Variants in MAF observed in about 807,000 individuals in gnomAD.
The protein encoded by MAF is MAF bZIP transcription factor, also known as transcription factor Maf.
Under a neutral mutation model 22.0 loss-of-function variants are expected in MAF, and 10 were observed. The ratio of observed to expected loss-of-function variants is 0.45; its 90% CI spans 0.28 to 0.77. The LOEUF is 0.77. Among genes scored for constraint, MAF ranks in the 30% least tolerant of loss-of-function variants. The pLI, the probability that MAF is intolerant of heterozygous loss-of-function variation, is 0.12. For missense variants in MAF, 544 were observed against 548.4 expected, an observed-to-expected ratio of 0.99 and a Z score of 0.08; for synonymous variants, 337 against 255.8, an observed-to-expected ratio of 1.32 and a Z score of -3.03.
the MAF span, among the ~76,000 whole-genome samples, chr16:79,513,789 A>G: frequency 0.013 from 1,969 of 152,272 alleles, 43 homozygotes; most frequent in African/African-American, 0.045. Context: ...CGTTCCATAT[A>G]TACTACCTAA....
the MAF span, among the ~76,000 whole-genome samples, chr16:79,261,498 C>A: frequency 2.0e-5 from 3 of 152,302 alleles, no homozygotes; most frequent in East Asian, 5.8e-4. Flanking sequence ...ATGGTAGCTA[C>A]TCAGTAAATA....
the MAF span, among the ~76,000 whole-genome samples, chr16:79,372,065 A>AT: frequency 7.5e-6 from 1 of 134,216 alleles, no homozygotes; most frequent in Admixed American, 7.7e-5. Flanking sequence ...AAGGGAGAGG[A>AT]ATTTTTTTTT....
the MAF span, chr16:79,212,577 A>T: frequency 2.2e-4 from 36 of 163,628 alleles, no homozygotes; most frequent in East Asian, 5.3e-3. Context: ...TCTGTCAATC[A>T]CAGTCTCAGT....
At chr16:79,541,028 G>A in the MAF span, among the ~76,000 whole-genome samples, 2 of 151,694 alleles carry the variant, frequency 1.3e-5, no homozygotes, top group Admixed American at 6.6e-5. Context: ...ACACTACTAC[G>A]GTTACTACTG....
At chr16:79,526,304 C>G in the MAF span, among the ~76,000 whole-genome samples, 2 of 152,138 alleles carry the variant, frequency 1.3e-5, no homozygotes, top group Non-Finnish European at 2.9e-5. Flanking sequence ...CATAAGGAGA[C>G]CACAACCTAG....
At chr16:79,455,796 C>T in the MAF span, among the ~76,000 whole-genome samples, 2,171 of 152,248 alleles carry the variant, frequency 0.014, 50 homozygotes, top group African/African-American at 0.048. Flanking sequence ...GGTGGGCAGA[C>T]TGCCTGAGGT....
At chr16:79,335,080 G>T in the MAF span, among the ~76,000 whole-genome samples, 1 of 151,470 alleles carries the variant, frequency 6.6e-6, no homozygotes, top group Non-Finnish European at 1.5e-5. Flanking sequence ...AGCTACTCGG[G>T]AGGCTGAGGC....
the MAF span, among the ~76,000 whole-genome samples, chr16:79,227,848 G>A: frequency 6.6e-6 from 1 of 152,214 alleles, no homozygotes; most frequent in South Asian, 2.1e-4. Context: ...ACTGTTGAGT[G>A]GAGAGAAATC....
the MAF span, among the ~76,000 whole-genome samples, chr16:79,431,388 A>T: frequency 6.6e-6 from 1 of 152,232 alleles, no homozygotes; most frequent in Non-Finnish European, 1.5e-5. Flanking sequence ...TAAGCAAGTT[A>T]TTTAACTTCT....
chr16:79,541,662 G>GTTTT, the MAF span, among the ~76,000 whole-genome samples: 10 of 123,874 alleles, frequency 8.1e-5, no homozygotes, highest in Non-Finnish European at 1.2e-4. Flanking sequence ...GGTTTTTTTA[G>GTTTT]TTTTTTTTTT....
At chr16:79,367,709 C>A in the MAF span, among the ~76,000 whole-genome samples, 2 of 152,124 alleles carry the variant, frequency 1.3e-5, no homozygotes, top group African/African-American at 4.8e-5. Context: ...TCACTTAATT[C>A]TAGTTAATTT....
chr16:79,349,992 A>G, the MAF span, among the ~76,000 whole-genome samples: 1 of 152,162 alleles, frequency 6.6e-6, no homozygotes, highest in African/African-American at 2.4e-5. Context: ...TCCTCCTTTA[A>G]GGCACAATGA....
At chr16:79,525,921 G>C in the MAF span, among the ~76,000 whole-genome samples, 1 of 152,170 alleles carries the variant, frequency 6.6e-6, no homozygotes, top group African/African-American at 2.4e-5. Context: ...CAAAGCCCTA[G>C]AGGCCTTAAG....
chr16:79,440,307 T>G, the MAF span, among the ~76,000 whole-genome samples: 2 of 152,206 alleles, frequency 1.3e-5, no homozygotes. Flanking sequence ...AGCACCCCAG[T>G]GGAAGGGCTG....
chr16:79,373,891 T>G, the MAF span, among the ~76,000 whole-genome samples: 1 of 152,228 alleles, frequency 6.6e-6, no homozygotes, highest in Non-Finnish European at 1.5e-5. Flanking sequence ...TATTCTGCTA[T>G]GTGCAACATA....
Position 79,597,214 on chromosome 16 carries a change from C to G in MAF, c.1118+1571G>C, listed in dbSNP as rs1042683226. 1.8e-5 allele frequency: 19 copies of G among 1,052,668 alleles called. No homozygotes were observed. In the African/African-American group the frequency reaches 3.1e-4, roughly 17 times the overall value. 65.2% of individuals were successfully genotyped at this position (1,052,668 alleles called of 1,614,324 possible). On this transcript the variant is annotated intron_variant, in intron 1 of 1. Transcript: ENST00000326043. ...ATCGTTTAAAAAATCTACAGCTAAA[C>G]AGACCTAACTCTTTCAAATTTATCT...
the MAF span, among the ~76,000 whole-genome samples, chr16:79,580,551 G>A: frequency 2.6e-5 from 4 of 152,190 alleles, no homozygotes; most frequent in Non-Finnish European, 5.9e-5. Flanking sequence ...AGAATGGGAT[G>A]CCAGGGGGCT....
the MAF span, among the ~76,000 whole-genome samples, chr16:79,450,689 A>C: frequency 6.6e-6 from 1 of 152,176 alleles, no homozygotes; most frequent in Non-Finnish European, 1.5e-5. Context: ...TTTTACAAAG[A>C]AAGTGTGAAA....
At chr16:79,588,205 C>A (rs577554648) in intron 1 of MAF, among the ~76,000 whole-genome samples, 42 of 152,280 alleles carry the variant, frequency 2.8e-4, no homozygotes, top group African/African-American at 9.1e-4. Context: ...GGGATCGCAA[C>A]CTGAAAACGT....
Sources: gnomAD v4.1 joint callset for allele counts (sites outside exome capture counted in the v4.1 genomes callset) on GRCh38, gnomAD v4.1.1 for gene constraint, MANE v1.5 for transcripts, NCBI Gene and HGNC (gene_info 2026-07-23, HGNC 2026-07-21) for gene names.